The following OASL variants were observed in gnomAD, a reference collection of about 807,000 sequenced individuals.
The protein encoded by OASL is 2'-5'-oligoadenylate synthetase like, also known as 2'-5'-oligoadenylate synthase-like protein.
A neutral mutation model predicts 35.3 loss-of-function variants in OASL; 28 were observed. That is an observed-to-expected ratio of 0.79 (90% CI 0.59 to 1.09). The LOEUF (loss-of-function observed/expected upper bound fraction) is 1.09, where lower values mean the gene tolerates loss of function less well. Ranked by LOEUF, OASL falls within the 50% of genes least tolerant of loss-of-function variation. OASL has a pLI of 0.00. For missense variants in OASL, 620 were observed against 635.2 expected (o/e 0.98, Z 0.26); for synonymous variants, 252 against 254.6 (o/e 0.99, Z 0.10).
At chr12:121,031,497 T>C in exon 3 of OASL, 8 of 1,614,090 alleles carry the variant, frequency 5.0e-6, no homozygotes, top group Non-Finnish European at 6.8e-6. Flanking sequence ...AGTTGGCCGA[T>C]GTTTCACGAA....
At chr12:121,026,125 G>A (rs1248297059) in intron 4 of OASL, among the ~76,000 whole-genome samples, 4 of 152,266 alleles carry the variant, frequency 2.6e-5, no homozygotes, top group East Asian at 1.9e-4. Context: ...GAGGGGAGCC[G>A]GACAGGTGTG....
At chr12:121,031,840 C>T (rs1869747453) in intron 2 of OASL, among the ~76,000 whole-genome samples, 1 of 152,128 alleles carries the variant, frequency 6.6e-6, no homozygotes, top group South Asian at 2.1e-4. Context: ...CAGACCCCTC[C>T]CTGGATGTCC....
intron 2 of OASL, among the ~76,000 whole-genome samples, chr12:121,032,297 C>T (rs1278085850): frequency 6.6e-6 from 1 of 152,164 alleles, no homozygotes; most frequent in African/African-American, 2.4e-5. Context: ...AAATCAGATC[C>T]TGTCTCTTAT....
At chr12:121,035,539 A>AAAC (rs1555216040) in intron 1 of OASL, among the ~76,000 whole-genome samples, 191 of 119,850 alleles carry the variant, frequency 1.6e-3, no homozygotes, top group Non-Finnish European at 2.9e-3. Flanking sequence ...AAACAAAACA[A>AAAC]CAAAAAAAAA....
At chr12:121,027,815 A>G in exon 4 of OASL, 1 of 1,612,486 alleles carries the variant, frequency 6.2e-7, no homozygotes. Context: ...TGGCTTTCAC[A>G]TACTGTTGAA....
At chr12:121,038,659 G>T (rs1870051131) in intron 1 of OASL, 115 bp downstream of exon 1, 2 of 943,626 alleles carry the variant, frequency 2.1e-6, no homozygotes, top group African/African-American at 1.6e-5. Context: ...GGTATTCTGA[G>T]ATGTCATCAG....
intron 5 of OASL, among the ~76,000 whole-genome samples, chr12:121,021,360 C>G (rs1365204775): frequency 6.6e-6 from 1 of 152,162 alleles, no homozygotes; most frequent in African/African-American, 2.4e-5. Flanking sequence ...TAGTAAGGAG[C>G]AGGGCAGATA....
intron 4 of OASL, among the ~76,000 whole-genome samples, chr12:121,026,260 C>T (rs1869479271): frequency 6.6e-6 from 1 of 152,182 alleles, no homozygotes; most frequent in Non-Finnish European, 1.5e-5. Context: ...AATAAATCCT[C>T]TTTTCATGAG....
intron 1 of OASL, among the ~76,000 whole-genome samples, chr12:121,035,488 A>G (rs1325452271): frequency 6.6e-6 from 1 of 151,490 alleles, no homozygotes; most frequent in Non-Finnish European, 1.5e-5. Context: ...TCTCGCCACT[A>G]CACTCCAGCC....
Position 121,020,939 on chromosome 12 carries a change from G to T in OASL, c.1167C>A (p.Tyr389Ter). The change falls in exon 6 of 6, where the codon TAC (tyrosine) becomes TAA (stop). Residue 389 changes from tyrosine to a stop codon, truncating the protein, a stop_gained. Coordinates refer to ENST00000257570, the Ensembl canonical transcript of OASL. LOFTEE classifies it low-confidence loss of function (END_TRUNC). ...GGAAGGACAGACGCTGCAGGCCAGA[G>T]TAGCCCCTGGTCCTCCGGATTTTCT... is the stretch of plus-strand genomic sequence containing the variant. 1 of 1,614,206 alleles carries T rather than the reference G, an allele frequency of 6.2e-7. No homozygotes were observed. The highest frequency in any genetic ancestry group is 2.2e-5 in the East Asian group (1 of 44,888).
At chr12:121,021,009 A>G in exon 6 of OASL, 2 of 1,611,496 alleles carry the variant, frequency 1.2e-6, no homozygotes, top group Non-Finnish European at 1.7e-6. Flanking sequence ...GATGAGGTTG[A>G]AATCTGGGTA....
chr12:121,037,570 C>G (rs937096360), intron 1 of OASL, among the ~76,000 whole-genome samples: 1 of 149,308 alleles, frequency 6.7e-6, no homozygotes, highest in African/African-American at 2.5e-5. Context: ...GTCAGGAGAT[C>G]GAGACCATCC....
exon 2 of OASL, chr12:121,033,542 C>T (rs1192845691): frequency 3.3e-5 from 54 of 1,613,992 alleles, no homozygotes; most frequent in Non-Finnish European, 4.1e-5. Flanking sequence ...ACGAGAGCAT[C>T]GGGGACTCTC....
At chr12:121,023,742 T>C in intron 5 of OASL, 1 of 424,656 alleles carries the variant, frequency 2.4e-6, no homozygotes, top group Non-Finnish European at 4.3e-6. Flanking sequence ...AACACAGAAC[T>C]GATTCTCCAG....
exon 3 of OASL, chr12:121,031,616 C>T (rs775128343): frequency 1.2e-6 from 2 of 1,610,330 alleles, no homozygotes; most frequent in Non-Finnish European, 1.7e-6. Context: ...GAAGAGAAGG[C>T]CCTGAGGAGT....
intron 3 of OASL, 111 bp downstream of exon 3, chr12:121,031,331 A>C: frequency 9.7e-7 from 1 of 1,028,290 alleles, no homozygotes. Context: ...CTCCCTCTCT[A>C]CCTGCTTCCA....
chr12:121,031,689 G>A, intron 2 of OASL, 72 bp from the exon 3 acceptor site: 1 of 1,370,242 alleles, frequency 7.3e-7, no homozygotes, highest in African/African-American at 1.4e-5. Flanking sequence ...GTATTTTGGG[G>A]AGAGCCTGCC....
In OASL at chr12:121,020,763, T is replaced by C. The variant is rs367892992; in HGVS notation, c.1343A>G (p.Tyr448Cys). ...GATGAAGCTGTTGGGGTTGATGGCA[T>C]AGGCGTAGCTCCCACCATCAGGATT... Residue 448 changes from tyrosine to cysteine, a missense_variant, in exon 6 of 6, where the codon TAT becomes TGT. Transcript: ENST00000257570. 18 of 1,614,012 alleles carry C rather than the reference T, an allele frequency of 1.1e-5. No individual in the cohort carries two copies. The highest frequency in any genetic ancestry group is 5.0e-5 in the Admixed American group (3 of 59,988).
At chr12:121,033,050 G>C (rs898291437) in intron 2 of OASL, among the ~76,000 whole-genome samples, 1 of 151,848 alleles carries the variant, frequency 6.6e-6, no homozygotes, top group Non-Finnish European at 1.5e-5. Context: ...TCACCCTCCT[G>C]AGTAGCTGGG....
Sources: allele counts gnomAD v4.1 joint callset (sites outside exome capture counted in the v4.1 genomes callset), GRCh38; gene constraint gnomAD v4.1.1; transcripts MANE v1.5; gene names NCBI Gene and HGNC (gene_info 2026-07-23, HGNC 2026-07-21).